GOT1: variants seen among roughly 807,000 people sequenced by gnomAD.
The protein encoded by GOT1 is aspartate aminotransferase, cytoplasmic.
GOT1 carries 25 observed loss-of-function variants against 48.2 expected under a neutral mutation model. The observed-to-expected ratio is 0.52, with a 90% CI of 0.38 to 0.72. The LOEUF is 0.72. Among genes scored for constraint, GOT1 ranks in the 30% least tolerant of loss-of-function variants. The pLI is 0.00. For synonymous variants in GOT1, 188 were observed against 193.8 expected, an observed-to-expected ratio of 0.97 and a Z score of 0.25; for missense variants, 380 against 520.1, an observed-to-expected ratio of 0.73 and a Z score of 2.62.
Position 99,406,128 on chromosome 10 carries a change from A to G in GOT1, c.537+9T>C, listed in dbSNP as rs750942372. The G allele has an allele frequency of 6.4e-7, 1 of 1,557,726 alleles. No individual in the cohort carries two copies. Among genetic ancestry groups the G allele is most frequent in the East Asian group, 2.2e-5 (1 of 44,604 alleles). On this transcript the variant is annotated intron_variant, in intron 4 of 8. Transcript: ENST00000370508. ...TGCAATTCTCTACTTTTTCCTCTAAATCACCCACCTCCAGATCATTCAGGA... is the reference window on the plus strand; with the variant it reads ...TGCAATTCTCTACTTTTTCCTCTAAGTCACCCACCTCCAGATCATTCAGGA...
chr10:99,418,459 G>A (rs2032925864), intron 2 of GOT1, among the ~76,000 whole-genome samples: 1 of 148,992 alleles, frequency 6.7e-6, no homozygotes, highest in Non-Finnish European at 1.5e-5. Flanking sequence ...TTTAGTTTCA[G>A]AAGAGAGGCC....
At chr10:99,426,337 T>A (rs1295847443) in intron 1 of GOT1, among the ~76,000 whole-genome samples, 1 of 152,122 alleles carries the variant, frequency 6.6e-6, no homozygotes, top group East Asian at 1.9e-4. Context: ...AACACAGATT[T>A]AAATGGTCAA....
intron 1 of GOT1, among the ~76,000 whole-genome samples, chr10:99,421,290 C>T (rs1197713133): frequency 6.6e-6 from 1 of 152,170 alleles, no homozygotes; most frequent in Non-Finnish European, 1.5e-5. Flanking sequence ...ACCTTTAACA[C>T]AAACATGGAG....
Position 99,406,861 on chromosome 10 carries a change from G to A in GOT1, c.301-12C>T. ...TGCACACCTCCTACCTGAAAGAGAA[G>A]AAACAGGGTCACAGGCTGATAATGG... On this transcript the variant is annotated splice_polypyrimidine_tract_variant and intron_variant, in intron 2 of 8. Transcript: ENST00000370508. 6.2e-7 allele frequency: 1 copy of A among 1,613,454 alleles called. No individual in the cohort carries two copies. Among genetic ancestry groups the A allele is most frequent in the Non-Finnish European group, 8.5e-7 (1 of 1,179,450 alleles).
At chr10:99,423,771 C>T (rs1784581285) in intron 1 of GOT1, among the ~76,000 whole-genome samples, 1 of 152,114 alleles carries the variant, frequency 6.6e-6, no homozygotes, top group Non-Finnish European at 1.5e-5. Flanking sequence ...GCCTCAGCTT[C>T]CCATGTAGCT....
At chr10:99,401,521 G>A (rs2032677894) in intron 8 of GOT1, among the ~76,000 whole-genome samples, 1 of 152,022 alleles carries the variant, frequency 6.6e-6, no homozygotes, top group Non-Finnish European at 1.5e-5. Flanking sequence ...TGCACTGTGG[G>A]AATTACTAAA....
In GOT1 at chr10:99,397,139, C is replaced by T. The variant is rs1802508; in HGVS notation, c.*408G>A. 5.8e-3 allele frequency: 1,006 copies of T among 173,236 alleles called. 10 individuals carry two copies. Among genetic ancestry groups the T allele is most frequent in the African/African-American group, 0.018 (747 of 42,298 alleles). 10.7% of individuals were successfully genotyped at this position (173,236 alleles called of 1,614,324 possible). ...TGGGTTGAGATGATGAATTTAATGC[C>T]GCAGCCGACACCCACATTCACACTT... On this transcript the variant is annotated 3_prime_UTR_variant, in exon 9 of 9. Transcript: ENST00000370508. The surrounding 1 kb of genome is among the most constrained non-coding windows in gnomAD (Gnocchi z 5.4).
At chr10:99,429,840 TACC>T (rs897071562) in intron 1 of GOT1, among the ~76,000 whole-genome samples, 1 of 152,198 alleles carries the variant, frequency 6.6e-6, no homozygotes, top group African/African-American at 2.4e-5. Flanking sequence ...TACCCATTCC[TACC>T]ACATCTGTGA....
chr10:99,403,532 G>T lies in GOT1; in HGVS notation c.896C>A (p.Pro299His), dbSNP rs1283184065. 1 of 1,614,112 alleles carries T rather than the reference G, an allele frequency of 6.2e-7. No individual in the cohort carries two copies. ...EKIVRITWSN[P>H]PAQGARIVAS... is the part of the protein sequence containing the mutation. Reference sequence around the variant, plus strand: ...CACAATTCGTGCTCCCTGGGCGGGGGGATTGGACCAAGTAATCCGCACGAT... The same window carrying T: ...CACAATTCGTGCTCCCTGGGCGGGGTGATTGGACCAAGTAATCCGCACGAT... The change falls in exon 7 of 9, where the codon CCC becomes CAC. Residue 299 changes from proline to histidine, a missense_variant. By Grantham distance (77) the Pro-to-His change is moderately conservative. Transcript: ENST00000370508.
chr10:99,426,230 C>G (rs915437946), intron 1 of GOT1, among the ~76,000 whole-genome samples: 21 of 152,158 alleles, frequency 1.4e-4, no homozygotes, highest in Admixed American at 1.4e-3. Flanking sequence ...GCTCCATGCC[C>G]CACTGCTCTT....
At position 99,430,460 on chromosome 10, in the gene GOT1, G is replaced by A; in HGVS notation, c.106C>T (p.Leu36=). Residue 36 remains leucine, a synonymous_variant, in exon 1 of 9, where the codon CTG becomes TTG. Coordinates refer to ENST00000370508, the MANE Select transcript of GOT1 (RefSeq NM_002079.3). ...REDPDPRKVN[L]GVGAYRTDDC... is the part of the protein sequence containing the mutation. The stretch of plus-strand genomic sequence containing the variant: ...ACTACATCCTTACCTCCCACTCCCA[G>A]GTTGACCTTGCGGGGGTCCGGATCC... 6.2e-6 allele frequency: 10 copies of A among 1,609,572 alleles called. No individual in the cohort carries two copies. The highest frequency in any genetic ancestry group is 8.5e-6 in the Non-Finnish European group (10 of 1,177,104).
At chr10:99,406,275 AG>A in intron 3 of GOT1, 26 bp from the exon 4 acceptor site, 1 of 1,534,222 alleles carries the variant, frequency 6.5e-7, no homozygotes, top group Non-Finnish European at 9.0e-7. Flanking sequence ...TAAAAAGTTA[AG>A]CACTTTACAA....
intron 2 of GOT1, among the ~76,000 whole-genome samples, chr10:99,414,218 T>C (rs1420103221): frequency 6.6e-6 from 1 of 152,154 alleles, no homozygotes; most frequent in Non-Finnish European, 1.5e-5. Context: ...GAGACATACA[T>C]GGGCTCAAAA....
chr10:99,399,076 T>C (rs2032636603), intron 8 of GOT1, among the ~76,000 whole-genome samples: 1 of 152,198 alleles, frequency 6.6e-6, no homozygotes, highest in South Asian at 2.1e-4. Context: ...TATTTTGAGA[T>C]GGCTGTTGAG....
chr10:99,410,524 A>G (rs1397165792), intron 2 of GOT1, among the ~76,000 whole-genome samples: 1 of 152,244 alleles, frequency 6.6e-6, no homozygotes, highest in African/African-American at 2.4e-5. Flanking sequence ...TGTGCTTAGA[A>G]GAGATAAACC....
chr10:99,407,178 CATT>C (rs1344906667), intron 2 of GOT1, among the ~76,000 whole-genome samples: 1 of 85,704 alleles, frequency 1.2e-5, no homozygotes, highest in African/African-American at 3.1e-5. Flanking sequence ...ACCGAGGCCA[CATT>C]AGTGTGTGTG....
At chr10:99,401,761 A>G (rs1327547433) in intron 8 of GOT1, among the ~76,000 whole-genome samples, 1 of 151,842 alleles carries the variant, frequency 6.6e-6, no homozygotes, top group African/African-American at 2.4e-5. Context: ...ATGCATGACC[A>G]CCTACTAGAT....
intron 2 of GOT1, among the ~76,000 whole-genome samples, chr10:99,420,037 T>A (rs1002132830): frequency 2.6e-5 from 4 of 152,234 alleles, no homozygotes; most frequent in Admixed American, 6.5e-5. Context: ...ATATTAGAAC[T>A]GGCAGGGACT....
At chr10:99,406,299 A>G (rs1409069169) in intron 3 of GOT1, 50 bp from the exon 4 acceptor site, 1 of 1,318,004 alleles carries the variant, frequency 7.6e-7, no homozygotes, top group Admixed American at 1.7e-5. Flanking sequence ...ACTAGGAGGC[A>G]TGAGTGGAAA....
Sources: gnomAD v4.1 joint callset for allele counts (sites outside exome capture counted in the v4.1 genomes callset) on GRCh38, gnomAD v4.1.1 for gene constraint, Gnocchi (gnomAD v3.1) non-coding constraint, MANE v1.5 for transcripts, NCBI Gene and HGNC (gene_info 2026-07-23, HGNC 2026-07-21) for gene names.